Variants in USP20 observed in about 807,000 individuals in gnomAD.
The protein encoded by USP20 is ubiquitin specific peptidase 20, also known as ubiquitin carboxyl-terminal hydrolase 20.
In USP20, 80 loss-of-function variants were observed where a neutral mutation model predicts 124.2. That is an observed-to-expected ratio of 0.64 (90% CI 0.54 to 0.78). The LOEUF (loss-of-function observed/expected upper bound fraction) is 0.78. USP20 is among the 30% of genes least tolerant of loss of function. USP20 has a pLI of 0.00. For missense variants in USP20, 1,043 were observed against 1,244.4 expected (o/e 0.84, Z 2.44); for synonymous variants, 481 against 512.3 (o/e 0.94, Z 0.83).
chr9:129,874,964 TG>T lies in USP20; in HGVS notation c.2048+12del. 2 of 1,612,662 alleles carry T rather than the reference TG, an allele frequency of 1.2e-6. No homozygotes were observed. The highest frequency in any genetic ancestry group is 1.7e-6 in the Non-Finnish European group (2 of 1,179,692). ...TACGTACTCTTCTACAGGTGGGCGCTGGGCCAGGCCTGGTGGAGGAACCTCA... is the reference window on the plus strand; with the variant it reads ...TACGTACTCTTCTACAGGTGGGCGCTGGCCAGGCCTGGTGGAGGAACCTCA... On this transcript the variant is annotated intron_variant, in intron 19 of 25. Coordinates refer to ENST00000372429, the MANE Select transcript of USP20 (RefSeq NM_001110303.4).
chr9:129,875,783 C>T (rs2034367032), intron 21 of USP20, 142 bp downstream of exon 21: 2 of 759,902 alleles, frequency 2.6e-6, no homozygotes, highest in Non-Finnish European at 4.1e-6. Context: ...GCCGCCTTCA[C>T]TTGTCTCATG....
Position 129,861,502 on chromosome 9 carries a change from AGGGTGCTCACCTGCTCCTCCC to A in USP20, c.428-40_428-20del. 1 of 1,595,446 alleles carries A rather than the reference AGGGTGCTCACCTGCTCCTCCC, an allele frequency of 6.3e-7. No individual in the cohort carries two copies. The highest frequency in any genetic ancestry group is 1.7e-5 in the Admixed American group (1 of 59,884). ...ACTTGCAAGGTTTCCTCGGTGGGGC[AGGGTGCTCACCTGCTCCTCCC>A]CGTTGTGTTTATTTCCCAGGCCTCA... On this transcript the variant is annotated intron_variant, in intron 7 of 25. Transcript: ENST00000372429.
At chr9:129,840,476 C>G (rs1018600767) in intron 1 of USP20, among the ~76,000 whole-genome samples, 2 of 152,168 alleles carry the variant, frequency 1.3e-5, no homozygotes, top group Admixed American at 1.3e-4. Context: ...CTCCCTGCTC[C>G]CACCTCAAAG....
At chr9:129,853,628 A>G (rs909085647) in intron 3 of USP20, among the ~76,000 whole-genome samples, 2 of 152,152 alleles carry the variant, frequency 1.3e-5, no homozygotes, top group African/African-American at 4.8e-5. Flanking sequence ...TGGTTTTGTC[A>G]TGGGGCCTGG....
rs755467497 is a variant in USP20 at position 129,879,550 on chromosome 9, C to A, written c.2513-23C>A. 3.1e-6 allele frequency: 5 copies of A among 1,612,320 alleles called. No individual in the cohort carries two copies. In the East Asian group the frequency reaches 6.7e-5, roughly 22 times the overall value. On this transcript the variant is annotated intron_variant, in intron 23 of 25. Transcript: ENST00000372429. The surrounding 1 kb of genome is among the most constrained non-coding windows in gnomAD (Gnocchi z 4.2). Reference sequence around the variant, plus strand: ...TGGAGGGCATGGCAGGGGCTGAACCCGAGCCCGCTGTGTCTGTTGCAGAGC... The same window carrying A: ...TGGAGGGCATGGCAGGGGCTGAACCAGAGCCCGCTGTGTCTGTTGCAGAGC...
In USP20 at chr9:129,858,732, G is replaced by A. The variant is rs2033355154; in HGVS notation, c.330+134G>A. On this transcript the variant is annotated intron_variant, in intron 6 of 25. Coordinates refer to ENST00000372429, the MANE Select transcript of USP20 (RefSeq NM_001110303.4). ...TGTTTCTGGGTCAGTATGTTTTCAG[G>A]TGACTTTGAGGAGCTCACATCAGCA... The A allele has an allele frequency of 4.5e-6, 6 of 1,347,428 alleles. No homozygotes were observed. The African/African-American group carries it at 8.8e-5, about 20-fold the overall frequency. 83.5% of individuals were successfully genotyped at this position (1,347,428 alleles called of 1,614,324 possible).
At chr9:129,863,442 G>A in intron 9 of USP20, 143 bp downstream of exon 9, 1 of 606,976 alleles carries the variant, frequency 1.6e-6, no homozygotes, top group South Asian at 2.7e-5. Flanking sequence ...CAGCAAGCCT[G>A]CGGGGTGGAA....
chr9:129,851,258 C>CTTTTTTTTTTTTTT (rs35791819), intron 2 of USP20, among the ~76,000 whole-genome samples: 2 of 126,244 alleles, frequency 1.6e-5, no homozygotes, highest in African/African-American at 3.2e-5. Flanking sequence ...ATAACACATA[C>CTTTTTTTTTTTTTT]TTTTTTTTTT....
chr9:129,875,380 C>T lies in USP20; in HGVS notation c.2119C>T (p.Leu707=). 6.2e-7 allele frequency: 1 copy of T among 1,613,416 alleles called. No individual in the cohort carries two copies. Among genetic ancestry groups the T allele is most frequent in the Non-Finnish European group, 8.5e-7 (1 of 1,179,918 alleles). The change falls in exon 20 of 26, where the codon CTG becomes TTG. Residue 707 remains leucine (L), a synonymous_variant. Coordinates refer to ENST00000372429, the MANE Select transcript of USP20 (RefSeq NM_001110303.4). ...CCTGGCCGCCATGCGGGAGCCCAGCCTGCTGCGGTTCTACGTGTCCCGCGA... is the reference window on the plus strand; with the variant it reads ...CCTGGCCGCCATGCGGGAGCCCAGCTTGCTGCGGTTCTACGTGTCCCGCGA... ...VSLAAMREPS[L]LRFYVSREWL... is the part of the protein sequence containing the mutation.
rs764505382 is a variant in USP20, at chr9:129,868,088, G to C, written c.774G>C (p.Thr258=). ...CGGTGGTGGCCACGGTGGCGCTGAC[G>C]GAGGCTCGGGACTCAGATTCGAGTG... ...KEPVVATVAL[T]EARDSDSSDT... The change falls in exon 11 of 26, where the codon ACG becomes ACC. Residue 258 remains threonine, a synonymous_variant. Coordinates refer to ENST00000372429, the MANE Select transcript of USP20 (RefSeq NM_001110303.4). 6 of 1,614,168 alleles carry C rather than the reference G, an allele frequency of 3.7e-6. No individual in the cohort carries two copies. Among genetic ancestry groups the C allele is most frequent in the East Asian group, 2.2e-5 (1 of 44,874 alleles).
In USP20 at chr9:129,875,564, C is replaced by T. The variant is rs757708012; in HGVS notation, c.2223C>T (p.Ile741=). 2.5e-6 allele frequency: 4 copies of T among 1,614,096 alleles called. No homozygotes were observed. In the East Asian group the frequency reaches 8.9e-5, roughly 36 times the overall value. ...CTCCCTGTACCTTCTTCCCAGGCAT[C>T]CCGCCCCACAAATACCACTACATCG... ...NQTFLCSHGG[I]PPHKYHYIDD... Residue 741 remains isoleucine, a synonymous_variant, in exon 21 of 26, where the codon ATC becomes ATT. Coordinates refer to ENST00000372429, the MANE Select transcript of USP20 (RefSeq NM_001110303.4).
intron 15 of USP20, among the ~76,000 whole-genome samples, chr9:129,871,035 A>G (rs1216025673): frequency 3.9e-5 from 6 of 151,978 alleles, no homozygotes; most frequent in African/African-American, 9.7e-5. Flanking sequence ...CACCATAACC[A>G]TTGTAAATGC....
chr9:129,877,637 G>T (rs1262667884), intron 22 of USP20, among the ~76,000 whole-genome samples: 1 of 152,096 alleles, frequency 6.6e-6, no homozygotes, highest in Non-Finnish European at 1.5e-5. Context: ...GGTCAAGGCT[G>T]CAGTGAGCCA....
At chr9:129,867,367 T>A (rs2131080985) in intron 10 of USP20, among the ~76,000 whole-genome samples, 1 of 152,198 alleles carries the variant, frequency 6.6e-6, no homozygotes, top group African/African-American at 2.4e-5. Flanking sequence ...ATTGCTGGGA[T>A]TTGAGACCCA....
chr9:129,875,198 A>AG, intron 19 of USP20, 112 bp from the exon 20 acceptor site: 2 of 1,299,844 alleles, frequency 1.5e-6, no homozygotes, highest in South Asian at 3.0e-5. Flanking sequence ...TGAAGGACCC[A>AG]GGAGGTGGTG....
rs1445824603 is a variant in USP20 at position 129,869,021 on chromosome 9, G to A, written c.1276+19G>A. ...AAGAAAGGTTCGGGGGGCACGGGAGGGTGGGTCAGCTTGAGGCTGGGAGTA... is the reference window on the plus strand; with the variant it reads ...AAGAAAGGTTCGGGGGGCACGGGAGAGTGGGTCAGCTTGAGGCTGGGAGTA... On this transcript the variant is annotated intron_variant, in intron 12 of 25. Coordinates refer to ENST00000372429, the MANE Select transcript of USP20 (RefSeq NM_001110303.4). The A allele has an allele frequency of 1.3e-6, 2 of 1,590,474 alleles. No individual in the cohort carries two copies. The highest frequency in any genetic ancestry group is 3.6e-5 in the Admixed American group (2 of 56,138).
At position 129,861,658 on chromosome 9, in the gene USP20, G is replaced by T. The variant is rs1302689605; in HGVS notation, c.497+46G>T. The T allele has an allele frequency of 3.1e-6, 5 of 1,594,894 alleles. No homozygotes were observed. In the South Asian group the frequency reaches 4.4e-5, roughly 14 times the overall value. On this transcript the variant is annotated intron_variant, in intron 8 of 25. Coordinates refer to ENST00000372429, the MANE Select transcript of USP20 (RefSeq NM_001110303.4). ...AGGGCCGAGAGCTGTCCCTGGCAAA[G>T]CCCCGGAAACAGCAGCAGTAGCAGC...
chr9:129,849,027 G>C (rs933595944), intron 1 of USP20, among the ~76,000 whole-genome samples: 18 of 152,238 alleles, frequency 1.2e-4, no homozygotes, highest in African/African-American at 4.1e-4. Context: ...GCCTGGGCCT[G>C]CTGAACACTT....
At chr9:129,873,403 G>T in intron 15 of USP20, 79 bp from the exon 16 acceptor site, 1 of 1,565,930 alleles carries the variant, frequency 6.4e-7, no homozygotes, top group Non-Finnish European at 8.8e-7. Context: ...TTCTTAAGCA[G>T]AAATCATTAT....
Sources: allele counts gnomAD v4.1 joint callset (sites outside exome capture counted in the v4.1 genomes callset), GRCh38; gene constraint gnomAD v4.1.1; non-coding constraint Gnocchi (gnomAD v3.1); transcripts MANE v1.5; gene names NCBI Gene and HGNC (gene_info 2026-07-23, HGNC 2026-07-21).